UNC5D: variants seen among roughly 807,000 people sequenced by gnomAD.
UNC5D encodes unc-5 netrin receptor D.
In UNC5D, 39 loss-of-function variants were observed where a neutral mutation model predicts 105.4. The ratio of observed to expected loss-of-function variants is 0.37; its 90% CI spans 0.29 to 0.48. UNC5D has a LOEUF of 0.48. Among genes scored for constraint, UNC5D ranks in the 20% least tolerant of loss-of-function variants. UNC5D has a pLI of 0.98. For missense variants in UNC5D, 991 were observed against 1,202.4 expected (o/e 0.82, Z 2.60); for synonymous variants, 452 against 450.4 (o/e 1.00, Z -0.04).
chr8:35,741,473 C>A (rs543391573), intron 11 of UNC5D, among the ~76,000 whole-genome samples: 5 of 152,242 alleles, frequency 3.3e-5, no homozygotes, highest in African/African-American at 4.8e-5. Flanking sequence ...ATCCACTGTT[C>A]TAACTGCTCC....
At chr8:35,264,457 G>A (rs1804701192) in intron 1 of UNC5D, among the ~76,000 whole-genome samples, 1 of 152,224 alleles carries the variant, frequency 6.6e-6, no homozygotes, top group African/African-American at 2.4e-5. Context: ...ACCGGGTGCA[G>A]TGGCTCATGC....
At chr8:35,247,243 A>G (rs1255782016) in intron 1 of UNC5D, among the ~76,000 whole-genome samples, 2 of 145,928 alleles carry the variant, frequency 1.4e-5, no homozygotes, top group African/African-American at 5.1e-5. Context: ...TTAAATGTTT[A>G]TATTTTTCTA....
intron 1 of UNC5D, among the ~76,000 whole-genome samples, chr8:35,309,407 T>G (rs1343390834): frequency 6.6e-6 from 1 of 152,112 alleles, no homozygotes; most frequent in Non-Finnish European, 1.5e-5. Flanking sequence ...CCAGAATCAT[T>G]GTGTATCCTA....
intron 4 of UNC5D, among the ~76,000 whole-genome samples, chr8:35,601,935 C>A (rs1217061766): frequency 3.3e-5 from 5 of 152,064 alleles, no homozygotes; most frequent in Non-Finnish European, 7.4e-5. Flanking sequence ...GCTGTGGGTT[C>A]CTCATAGATA....
intron 8 of UNC5D, among the ~76,000 whole-genome samples, chr8:35,719,717 A>G (rs1056953300): frequency 6.6e-6 from 1 of 152,172 alleles, no homozygotes; most frequent in South Asian, 2.1e-4. Flanking sequence ...GCTGAATTTT[A>G]TAATTCCCAG....
chr8:35,371,176 G>GCA (rs10563262), intron 1 of UNC5D, among the ~76,000 whole-genome samples: 5,074 of 149,256 alleles, frequency 0.034, 98 homozygotes, highest in South Asian at 0.049. Context: ...TTGTGCCACT[G>GCA]CACACACACA....
chr8:35,237,826 C>A (rs1202793989), intron 1 of UNC5D, among the ~76,000 whole-genome samples: 1 of 152,188 alleles, frequency 6.6e-6, no homozygotes, highest in Non-Finnish European at 1.5e-5. Context: ...GAAATGAGCA[C>A]TAGTCAGGCT....
intron 4 of UNC5D, among the ~76,000 whole-genome samples, chr8:35,655,777 T>G (rs1480702153): frequency 6.6e-6 from 1 of 152,174 alleles, no homozygotes; most frequent in East Asian, 1.9e-4. Flanking sequence ...TCAGACAGTA[T>G]GGTGTGGGCA....
intron 1 of UNC5D, among the ~76,000 whole-genome samples, chr8:35,245,335 C>T (rs986353775): frequency 6.6e-6 from 1 of 151,986 alleles, no homozygotes; most frequent in Non-Finnish European, 1.5e-5. Flanking sequence ...TGCCAGAGAA[C>T]TATAACTGTG....
At chr8:35,759,769 A>AGCCAGGTT (rs1454644986) in intron 14 of UNC5D, among the ~76,000 whole-genome samples, 6 of 152,164 alleles carry the variant, frequency 3.9e-5, no homozygotes, top group Non-Finnish European at 7.3e-5. Context: ...AACAATATAG[A>AGCCAGGTT]GCCAGGTTTG....
chr8:35,767,704 T>C (rs1049292050), intron 15 of UNC5D, among the ~76,000 whole-genome samples: 1 of 152,218 alleles, frequency 6.6e-6, no homozygotes, highest in African/African-American at 2.4e-5. Context: ...GAAAGGACTT[T>C]GTCCAGGTCA....
intron 11 of UNC5D, among the ~76,000 whole-genome samples, chr8:35,734,404 T>C (rs1196427047): frequency 7.4e-6 from 1 of 135,628 alleles, no homozygotes; most frequent in South Asian, 2.5e-4. Context: ...AGACTTGGGG[T>C]ATTTCTTTCT....
At chr8:35,748,499 C>G in intron 11 of UNC5D, 28 bp from the exon 12 acceptor site, 1 of 1,603,538 alleles carries the variant, frequency 6.2e-7, no homozygotes, top group Non-Finnish European at 8.5e-7. Context: ...ACATACTTCT[C>G]TCTTCTATCC....
intron 1 of UNC5D, among the ~76,000 whole-genome samples, chr8:35,487,565 G>A (rs533371672): frequency 2.6e-5 from 3 of 117,426 alleles, no homozygotes; most frequent in African/African-American, 3.9e-5. Flanking sequence ...CTCTCTCTCT[G>A]TACACACACA....
chr8:35,729,538 G>A (rs570981742), intron 10 of UNC5D, among the ~76,000 whole-genome samples: 5 of 152,252 alleles, frequency 3.3e-5, no homozygotes, highest in East Asian at 1.9e-4. Flanking sequence ...CTGAAAGAGC[G>A]GCAGCAGAGA....
intron 1 of UNC5D, among the ~76,000 whole-genome samples, chr8:35,406,405 C>T (rs111421018): frequency 5.3e-5 from 8 of 152,018 alleles, no homozygotes; most frequent in East Asian, 1.9e-4. Context: ...TATGACTCAC[C>T]GTGTTTCTCA....
rs948988748 is a variant in UNC5D at position 35,793,261 on chromosome 8, A to G, written c.*2698A>G. 1 of 413,928 alleles carries G rather than the reference A, an allele frequency of 2.4e-6. No individual in the cohort carries two copies. The highest frequency in any genetic ancestry group is 2.1e-5 in the African/African-American group (1 of 48,238). The allele number at this position is 413,928 out of a possible 1,614,324, so 25.6% of individuals were successfully genotyped here. The stretch of plus-strand genomic sequence containing the variant: ...CCACATTTGTGAGATTTACAGACCA[A>G]GGTGTGGTGGAGGAGGTAGAATTGC... On this transcript the variant is annotated 3_prime_UTR_variant, in exon 17 of 17. Coordinates refer to ENST00000404895, the MANE Select transcript of UNC5D (RefSeq NM_080872.4).
At chr8:35,707,538 G>A (rs955688877) in intron 8 of UNC5D, among the ~76,000 whole-genome samples, 5 of 152,132 alleles carry the variant, frequency 3.3e-5, no homozygotes, top group Non-Finnish European at 7.4e-5. Flanking sequence ...GCCTGTGCTT[G>A]TGTCAGGACC....
At chr8:35,429,646 T>G (rs1378063254) in intron 1 of UNC5D, among the ~76,000 whole-genome samples, 1 of 152,178 alleles carries the variant, frequency 6.6e-6, no homozygotes, top group African/African-American at 2.4e-5. Flanking sequence ...TTTATCAATC[T>G]TATAACAGTG....
Sources: allele counts gnomAD v4.1 joint callset (sites outside exome capture counted in the v4.1 genomes callset), GRCh38; gene constraint gnomAD v4.1.1; transcripts MANE v1.5; gene names NCBI Gene and HGNC (gene_info 2026-07-23, HGNC 2026-07-21).